The following ZNF443 variants were observed in gnomAD, a reference collection of about 807,000 sequenced individuals.
The protein encoded by ZNF443 is zinc finger protein 443, also known as Kruppel-type zinc finger (C2H2).
Under a neutral mutation model 12.0 loss-of-function variants are expected in ZNF443, and 3 were observed. That is an observed-to-expected ratio of 0.25 (90% CI 0.11 to 0.64). The LOEUF (loss-of-function observed/expected upper bound fraction) is 0.64. ZNF443 is among the 30% of genes least tolerant of loss of function. The probability of loss-of-function intolerance (pLI) is 0.84; values close to 1 mark genes in which losing one functional copy is unlikely to be tolerated. For missense variants in ZNF443, 770 were observed against 808.8 expected (o/e 0.95, Z 0.58); for synonymous variants, 225 against 265.9 (o/e 0.85, Z 1.50).
chr19:12,437,972 G>A lies in ZNF443; in HGVS notation c.3+2940C>T, dbSNP rs141837424. Among the ~76,000 whole-genome samples the A allele has an allele frequency of 2.4e-3, 361 of 151,742 alleles. 3 individuals are homozygous for A. Among genetic ancestry groups the A allele is most frequent in the African/African-American group, 8.3e-3 (342 of 41,350 alleles). On this transcript the variant is annotated intron_variant, in intron 1 of 3. Coordinates refer to ENST00000301547, the MANE Select transcript of ZNF443 (RefSeq NM_005815.5). ...AAAAATTAGCCAGGCATGGTAGCAC[G>A]CACCCGTAGTCCCAGCTACTCAGGA...
chr19:12,433,046 A>C, intron 2 of ZNF443, 25 bp downstream of exon 2: 2 of 1,612,420 alleles, frequency 1.2e-6, no homozygotes, highest in Non-Finnish European at 1.7e-6. Flanking sequence ...CAATTAAATA[A>C]GTGGAAATGC....
chr19:12,431,245 A>T lies in ZNF443; in HGVS notation c.927T>A (p.Tyr309Ter). The change falls in exon 4 of 4, where the codon TAT becomes TAA. Residue 309 changes from tyrosine (Y) to a stop codon, truncating the protein, a stop_gained. Transcript: ENST00000301547. LOFTEE classifies it low-confidence loss of function (END_TRUNC). ...HERTHTGEKP[Y>*]TCKQCGKAFS... ...AGGCTTTCCCACATTGTTTACATGT[A>T]TAGGGTTTCTCTCCAGTGTGAGTTC... 1.2e-6 allele frequency: 2 copies of T among 1,614,146 alleles called. No homozygotes were observed. Among genetic ancestry groups the T allele is most frequent in the Non-Finnish European group, 1.7e-6 (2 of 1,179,980 alleles).
intron 1 of ZNF443, among the ~76,000 whole-genome samples, chr19:12,437,007 C>T (rs1180651739): frequency 6.6e-6 from 1 of 150,838 alleles, no homozygotes; most frequent in Non-Finnish European, 1.5e-5. Context: ...GAGCATTACC[C>T]TAAAAGCCAG....
intron 1 of ZNF443, among the ~76,000 whole-genome samples, chr19:12,435,904 AAAG>A (rs959446257): frequency 7.9e-5 from 12 of 151,984 alleles, no homozygotes; most frequent in South Asian, 2.1e-4. Flanking sequence ...AACAGTGAGG[AAAG>A]AAGAAGAATC....
Position 12,440,937 on chromosome 19 carries a change from A to G in ZNF443, c.-23T>C, listed in dbSNP as rs748153048. 54 of 1,613,934 alleles carry G rather than the reference A, an allele frequency of 3.3e-5. No individual in the cohort carries two copies. The highest frequency in any genetic ancestry group is 4.0e-5 in the Non-Finnish European group (47 of 1,179,982). On this transcript the variant is annotated 5_prime_UTR_variant, in exon 1 of 4. Transcript: ENST00000301547. ...CATTTCCCGACTTCCGCGGTGTCCC[A>G]GGTCCTACCGACAGCTCCCGCTGCC...
At chr19:12,433,702 G>A (rs974629139) in intron 1 of ZNF443, among the ~76,000 whole-genome samples, 17 of 151,982 alleles carry the variant, frequency 1.1e-4, no homozygotes, top group Non-Finnish European at 2.9e-5. Context: ...ATAGTATTTC[G>A]TTAACTCCCA....
At position 12,431,701 on chromosome 19, in the gene ZNF443, T is replaced by C. The variant is rs144631101; in HGVS notation, c.471A>G (p.Gln157=). The change falls in exon 4 of 4, where the codon CAA becomes CAG. Residue 157 remains glutamine (Q), a synonymous_variant. Coordinates refer to ENST00000301547, the MANE Select transcript of ZNF443 (RefSeq NM_005815.5). Reference sequence around the variant, plus strand: ...TTCCAGTGTGAAGCCTCTCATGTGTTTGAAATGAGTTGTGGTAACTGAAGG... The same window carrying C: ...TTCCAGTGTGAAGCCTCTCATGTGTCTGAAATGAGTTGTGGTAACTGAAGG... ...GKAFSYHNSF[Q]THERLHTGKK... is the part of the protein sequence containing the mutation. 3.7e-6 allele frequency: 6 copies of C among 1,614,054 alleles called. No individual in the cohort carries two copies. The African/African-American group carries it at 8.0e-5, about 22-fold the overall frequency.
In ZNF443 at chr19:12,431,028, T is replaced by C; in HGVS notation, c.1144A>G (p.Ser382Gly). The change falls in exon 4 of 4, where the codon AGT becomes GGT. Residue 382 changes from serine (S) to glycine (G), a missense_variant. Physicochemically the swap from Ser to Gly is moderately conservative, Grantham distance 56 (BLOSUM62 0). Coordinates refer to ENST00000301547, the MANE Select transcript of ZNF443 (RefSeq NM_005815.5). Reference sequence around the variant, plus strand: ...TCTCCAGTGTGAGTTCTTTCATGACTTTGCAGTGAACTAGGACAATCAAAG... The same window carrying C: ...TCTCCAGTGTGAGTTCTTTCATGACCTTGCAGTGAACTAGGACAATCAAAG... ...KGFDCPSSLQ[S>G]HERTHTGEKP... is the part of the protein sequence containing the mutation. 1 of 1,614,144 alleles carries C rather than the reference T, an allele frequency of 6.2e-7. No homozygotes were observed. The highest frequency in any genetic ancestry group is 8.5e-7 in the Non-Finnish European group (1 of 1,179,966).
intron 3 of ZNF443, 26 bp downstream of exon 3, chr19:12,432,351 A>T: frequency 6.5e-7 from 1 of 1,545,964 alleles, no homozygotes; most frequent in Non-Finnish European, 8.9e-7. Flanking sequence ...CCAGGGACAT[A>T]TCTTTCTCTT....
chr19:12,431,412 C>A lies in ZNF443; in HGVS notation c.760G>T (p.Glu254Ter). ...ERTHTGEKPY[E>*]CKQCSKAFPF... is the part of the protein sequence containing the mutation. Reference sequence around the variant, plus strand: ...AAGGCTTTAGAACACTGTTTACATTCATACGGTTTCTCCCCAGTATGTGTT... The same window carrying A: ...AAGGCTTTAGAACACTGTTTACATTAATACGGTTTCTCCCCAGTATGTGTT... Residue 254 changes from glutamate to a stop codon, truncating the protein, a stop_gained, in exon 4 of 4, where the codon GAA (glutamate) becomes TAA (stop). Transcript: ENST00000301547. LOFTEE classifies it low-confidence loss of function (END_TRUNC). 6.2e-7 allele frequency: 1 copy of A among 1,613,446 alleles called. No homozygotes were observed. Among genetic ancestry groups the A allele is most frequent in the Non-Finnish European group, 8.5e-7 (1 of 1,179,806 alleles).
chr19:12,440,857 G>T lies in ZNF443; in HGVS notation c.3+55C>A, dbSNP rs11878378. Reference sequence around the variant, plus strand: ...CCCGGGTCCAGCCACAGCCGATTACGGCCGGTTCCACCTAACCCCTCCCCC... The same window carrying T: ...CCCGGGTCCAGCCACAGCCGATTACTGCCGGTTCCACCTAACCCCTCCCCC... On this transcript the variant is annotated intron_variant, in intron 1 of 3. Coordinates refer to ENST00000301547, the MANE Select transcript of ZNF443 (RefSeq NM_005815.5). The T allele has an allele frequency of 0.3, 478,401 of 1,612,448 alleles. 73,539 individuals carry two copies. The highest frequency in any genetic ancestry group is 0.47 in the South Asian group (42,591 of 91,018).
intron 1 of ZNF443, among the ~76,000 whole-genome samples, chr19:12,439,611 G>A (rs1970345073): frequency 6.6e-6 from 1 of 152,076 alleles, no homozygotes; most frequent in African/African-American, 2.4e-5. Flanking sequence ...CTCAGCCTCA[G>A]GAGTAGCTGC....
At position 12,431,132 on chromosome 19, in the gene ZNF443, T is replaced by C; in HGVS notation, c.1040A>G (p.His347Arg). The C allele has an allele frequency of 6.2e-7, 1 of 1,613,990 alleles. No homozygotes were observed. The highest frequency in any genetic ancestry group is 8.5e-7 in the Non-Finnish European group (1 of 1,179,960). Residue 347 changes from histidine (H) to arginine (R), a missense_variant, in exon 4 of 4, where the codon CAT becomes CGT. Transcript: ENST00000301547. The stretch of plus-strand genomic sequence containing the variant: ...GTGTCTTTGAAAGCTTCCCAGATGA[T>C]GAAACGCTTTCCCACATTGCTGACA... ...YACQQCGKAF[H>R]HLGSFQRHMI...
At chr19:12,436,568 C>A (rs182451175) in intron 1 of ZNF443, among the ~76,000 whole-genome samples, 6 of 143,236 alleles carry the variant, frequency 4.2e-5, no homozygotes, top group Admixed American at 1.4e-4. Context: ...AAGTGTTCAA[C>A]AGATGTGAGC....
Position 12,430,729 on chromosome 19 carries a change from AAG to A in ZNF443, c.1441_1442del (p.Leu481TrpfsTer6), listed in dbSNP as rs1491279969. The part of the protein sequence containing the change: ...HTGEKPYKCK[L>X]GKACIDFCSF... Reference sequence around the variant, plus strand: ...AACAGAAATCAATACAGGCTTTCCCAAGTTTGCATTTATAGGGTTTCTCTCCA... The same window carrying A: ...AACAGAAATCAATACAGGCTTTCCCATTTGCATTTATAGGGTTTCTCTCCA... On this transcript the variant is annotated frameshift_variant, in exon 4 of 4. Coordinates refer to ENST00000301547, the MANE Select transcript of ZNF443 (RefSeq NM_005815.5). LOFTEE classifies it low-confidence loss of function (END_TRUNC). 4.4e-5 allele frequency: 64 copies of A among 1,447,940 alleles called. No individual in the cohort carries two copies. Among genetic ancestry groups the A allele is most frequent in the Non-Finnish European group, 5.5e-5 (58 of 1,056,600 alleles). The allele number at this position is 1,447,940 out of a possible 1,614,324, so 89.7% of individuals were successfully genotyped here.
chr19:12,437,127 G>T (rs192550252), intron 1 of ZNF443, among the ~76,000 whole-genome samples: 2 of 152,028 alleles, frequency 1.3e-5, no homozygotes, highest in East Asian at 3.9e-4. Context: ...CAGTGGCTCA[G>T]CCCTGTAATG....
At chr19:12,439,555 T>C (rs561112489) in intron 1 of ZNF443, among the ~76,000 whole-genome samples, 10 of 152,018 alleles carry the variant, frequency 6.6e-5, no homozygotes, top group Non-Finnish European at 8.8e-5. Context: ...GGCACGATCA[T>C]AGCTCACTGC....
chr19:12,431,132 T>A lies in ZNF443; in HGVS notation c.1040A>T (p.His347Leu). 6.2e-7 allele frequency: 1 copy of A among 1,613,990 alleles called. No individual in the cohort carries two copies. The stretch of plus-strand genomic sequence containing the variant: ...GTGTCTTTGAAAGCTTCCCAGATGA[T>A]GAAACGCTTTCCCACATTGCTGACA... ...YACQQCGKAFHHLGSFQRHMI... is the reference protein window; with the variant it reads ...YACQQCGKAFLHLGSFQRHMI... The change falls in exon 4 of 4, where the codon CAT (histidine) becomes CTT (leucine). Residue 347 changes from histidine to leucine, a missense_variant. Around this residue, in one of 3 missense-constraint regions of ZNF443, gnomAD observed 736 missense variants for 689.4 expected, o/e 1.07. Coordinates refer to ENST00000301547, the MANE Select transcript of ZNF443 (RefSeq NM_005815.5).
intron 1 of ZNF443, among the ~76,000 whole-genome samples, chr19:12,437,968 G>T (rs1251700789): frequency 6.6e-6 from 1 of 151,950 alleles, no homozygotes; most frequent in Non-Finnish European, 1.5e-5. Flanking sequence ...AGGCATGGTA[G>T]CACGCACCCG....
Sources: allele counts gnomAD v4.1 joint callset (sites outside exome capture counted in the v4.1 genomes callset), GRCh38; gene constraint gnomAD v4.1.1; regional missense constraint gnomAD v4.1.1; transcripts MANE v1.5; gene names NCBI Gene and HGNC (gene_info 2026-07-23, HGNC 2026-07-21).